The following UHRF1 variants were observed in gnomAD, a reference collection of about 807,000 sequenced individuals.
UHRF1 encodes the protein E3 ubiquitin-protein ligase UHRF1.
A neutral mutation model predicts 96.5 loss-of-function variants in UHRF1; 9 were observed. That is an observed-to-expected ratio of 0.09 (90% CI 0.06 to 0.16). UHRF1 has a LOEUF of 0.16. Ranked by LOEUF, UHRF1 falls within the 10% of genes least tolerant of loss-of-function variation. The pLI, the probability that UHRF1 is intolerant of heterozygous loss-of-function variation, is 1.00. For synonymous variants in UHRF1, 455 were observed against 469.9 expected (o/e 0.97, Z 0.41); for missense variants, 626 against 1,131.1 (o/e 0.55, Z 6.40).
intron 10 of UHRF1, 28 bp downstream of exon 10, chr19:4,945,993 G>C: frequency 1.1e-6 from 1 of 897,250 alleles, no homozygotes; most frequent in Non-Finnish European, 1.8e-6. Flanking sequence ...AGGGGTGGGG[G>C]AGGGTTGCTC....
chr19:4,905,108 C>CTT (rs61443004), upstream of UHRF1, among the ~76,000 whole-genome samples: 174 of 95,178 alleles, frequency 1.8e-3, 8 homozygotes, highest in African/African-American at 6.1e-3. Flanking sequence ...CGTAAACTTT[C>CTT]TTTTTTTTTT....
Position 4,921,055 on chromosome 19 carries a change from C to T in UHRF1, c.154-8167C>T, listed in dbSNP as rs932372289. 1.2e-4 allele frequency among the ~76,000 whole-genome samples: 18 copies of T among 151,494 alleles called. 1 individual carries two copies. The highest frequency in any genetic ancestry group is 3.4e-4 in the African/African-American group (14 of 41,218). ...AGGAGAATCGCTTGAACCCAGGAGG[C>T]GGAGGTCACAGTGAGTCAAGATCGT... On this transcript the variant is annotated intron_variant, in intron 2 of 16. Coordinates refer to ENST00000650932, the MANE Select transcript of UHRF1 (RefSeq NM_001048201.3).
At chr19:4,921,371 G>T (rs188542436) in intron 2 of UHRF1, among the ~76,000 whole-genome samples, 9 of 152,044 alleles carry the variant, frequency 5.9e-5, no homozygotes, top group African/African-American at 2.2e-4. Context: ...CCTGGGAGGC[G>T]GAGGTTGCAG....
intron 13 of UHRF1, among the ~76,000 whole-genome samples, chr19:4,953,204 C>T (rs1181406186): frequency 2.6e-5 from 4 of 152,124 alleles, no homozygotes; most frequent in East Asian, 1.9e-4. Context: ...AGCCATTGGT[C>T]GAGGCTCCAC....
intron 2 of UHRF1, among the ~76,000 whole-genome samples, chr19:4,924,464 A>G (rs2032803623): frequency 6.6e-6 from 1 of 151,926 alleles, no homozygotes; most frequent in Non-Finnish European, 1.5e-5. Context: ...TTGTATTTTT[A>G]GTGGAGACGG....
intron 2 of UHRF1, among the ~76,000 whole-genome samples, chr19:4,917,111 GTTT>G (rs59815341): frequency 2.3e-4 from 18 of 77,204 alleles, no homozygotes; most frequent in African/African-American, 7.4e-4. Flanking sequence ...TTAAGTTTTC[GTTT>G]TTTTTTTTTT....
At position 4,956,565 on chromosome 19, in the gene UHRF1, C is replaced by T. The variant is rs950093879; in HGVS notation, c.2131-144C>T. 12 of 644,608 alleles carry T rather than the reference C, an allele frequency of 1.9e-5. 1 individual carries two copies. The highest frequency in any genetic ancestry group is 5.3e-5 in the South Asian group (3 of 56,286). 39.9% of individuals were successfully genotyped at this position (644,608 alleles called of 1,614,324 possible). On this transcript the variant is annotated intron_variant, in intron 15 of 16. Transcript: ENST00000650932. ...TGTTGGGCCTCTGTTTTTCTCAGAACGGGGACGATCATGGCCCCCGCCTCC... is the reference window on the plus strand; with the variant it reads ...TGTTGGGCCTCTGTTTTTCTCAGAATGGGGACGATCATGGCCCCCGCCTCC...
chr19:4,954,692 A>G lies in UHRF1; in HGVS notation c.2000A>G (p.Lys667Arg), dbSNP rs1405110433. The change falls in exon 15 of 17, where the codon AAG becomes AGG. Residue 667 changes from lysine (K) to arginine (R), a missense_variant. Lys to Arg is a conservative substitution (Grantham distance 26). This residue lies in a region of UHRF1 where 90 missense variants were observed against 94.7 expected (regional missense o/e 0.95). Coordinates refer to ENST00000650932, the MANE Select transcript of UHRF1 (RefSeq NM_001048201.3). This position sits in a 1 kb window ranked among gnomAD's most constrained non-coding sequence, Gnocchi z 5.9. ...GCCGGGTCCCCGCGCCGGACATCCAAGAAAACCAAGGTGGAGCCCTACAGT... is the reference window on the plus strand; with the variant it reads ...GCCGGGTCCCCGCGCCGGACATCCAGGAAAACCAAGGTGGAGCCCTACAGT... ...SRAGSPRRTSKKTKVEPYSLT... is the reference protein window; with the variant it reads ...SRAGSPRRTSRKTKVEPYSLT... The G allele has an allele frequency of 2.5e-6, 4 of 1,613,434 alleles. No individual in the cohort carries two copies. The highest frequency in any genetic ancestry group is 1.7e-6 in the Non-Finnish European group (2 of 1,179,750).
intron 2 of UHRF1, among the ~76,000 whole-genome samples, chr19:4,918,424 T>C (rs561375830): frequency 1.4e-4 from 17 of 121,882 alleles, no homozygotes; most frequent in Admixed American, 4.7e-4. Flanking sequence ...GCCTGGCCTG[T>C]TTTTTTTTTT....
chr19:4,903,316 G>T, exon 1 of UHRF1: 2 of 160,006 alleles, frequency 1.2e-5, no homozygotes, highest in East Asian at 1.8e-4. Flanking sequence ...CTGCACCTGG[G>T]CTTTTTCTTT....
rs17883422 is a variant in UHRF1 at position 4,941,920 on chromosome 19, C to T, written c.1062C>T (p.Ser354=). Reference sequence around the variant, plus strand: ...ACCCGCCCCTCAGCAGTGTTCCCAGCGAGGACGAGTGGTGAGTGCGGCCCT... The same window carrying T: ...ACCCGCCCCTCAGCAGTGTTCCCAGTGAGGACGAGTGGTGAGTGCGGCCCT... The part of the protein sequence containing the change: ...CLDPPLSSVP[S]EDEWYCPECR... The change falls in exon 7 of 17, where the codon AGC becomes AGT. Residue 354 remains serine, a synonymous_variant. Coordinates refer to ENST00000650932, the MANE Select transcript of UHRF1 (RefSeq NM_001048201.3). 3,078 of 1,515,252 alleles carry T rather than the reference C, an allele frequency of 2.0e-3. 56 individuals carry two copies. In the African/African-American group the frequency reaches 0.037, roughly 18 times the overall value. 93.9% of individuals were successfully genotyped at this position (1,515,252 alleles called of 1,614,324 possible).
At chr19:4,939,237 T>A (rs1461946761) in intron 5 of UHRF1, among the ~76,000 whole-genome samples, 2 of 150,442 alleles carry the variant, frequency 1.3e-5, no homozygotes, top group African/African-American at 4.9e-5. Context: ...TTTTTTTTTT[T>A]TTTAATTTTC....
rs759127537 is a variant in UHRF1 at position 4,954,788 on chromosome 19, C to T, written c.2096C>T (p.Ala699Val). ...SNAKLWNEVL[A>V]SLKDRPASGS... Reference sequence around the variant, plus strand: ...GCCAAGCTGTGGAATGAGGTCCTGGCGTCACTCAAGGACCGGCCGGCGAGC... The same window carrying T: ...GCCAAGCTGTGGAATGAGGTCCTGGTGTCACTCAAGGACCGGCCGGCGAGC... Residue 699 changes from alanine (A) to valine (V), a missense_variant, in exon 15 of 17, where the codon GCG becomes GTG. Ala to Val is a moderately conservative substitution (Grantham distance 64, BLOSUM62 0). This residue lies in a region of UHRF1 where 84 missense variants were observed against 150.3 expected (regional missense o/e 0.56). Transcript: ENST00000650932. The surrounding 1 kb of genome is among the most constrained non-coding windows in gnomAD (Gnocchi z 5.9). 40 of 1,613,694 alleles carry T rather than the reference C, an allele frequency of 2.5e-5. No individual in the cohort carries two copies. The East Asian group carries it at 3.3e-4, about 13-fold the overall frequency.
intron 16 of UHRF1, among the ~76,000 whole-genome samples, chr19:4,958,045 G>C (rs1490936612): frequency 2.6e-5 from 4 of 152,222 alleles, no homozygotes; most frequent in Non-Finnish European, 4.4e-5. Context: ...CTCAGACCCC[G>C]TGTTTGTTTT....
At chr19:4,952,063 C>G (rs760221301) in intron 13 of UHRF1, among the ~76,000 whole-genome samples, 3 of 152,142 alleles carry the variant, frequency 2.0e-5, no homozygotes, top group Non-Finnish European at 2.9e-5. Flanking sequence ...ATGGGAGAGA[C>G]AGCCTCAGCT....
chr19:4,939,648 T>A (rs1188238279), intron 5 of UHRF1, among the ~76,000 whole-genome samples: 1 of 152,132 alleles, frequency 6.6e-6, no homozygotes, highest in Non-Finnish European at 1.5e-5. Context: ...GTCAGTGTGT[T>A]CCCACACTGT....
chr19:4,920,841 G>A (rs1244353536), intron 2 of UHRF1, among the ~76,000 whole-genome samples: 2 of 151,946 alleles, frequency 1.3e-5, no homozygotes, highest in Non-Finnish European at 2.9e-5. Flanking sequence ...AATCGGTCAG[G>A]AGGGCCACGC....
intron 11 of UHRF1, among the ~76,000 whole-genome samples, chr19:4,950,036 A>G (rs1302322627): frequency 7.3e-6 from 1 of 136,386 alleles, no homozygotes; most frequent in South Asian, 2.3e-4. Context: ...ACGCCTGGCT[A>G]TTTTTTTTTT....
Position 4,930,044 on chromosome 19 carries a change from G to A in UHRF1, c.408+568G>A, listed in dbSNP as rs908200998. On this transcript the variant is annotated intron_variant, in intron 3 of 16. Transcript: ENST00000650932. The surrounding 1 kb of genome is among the most constrained non-coding windows in gnomAD (Gnocchi z 4.4). ...GGCTGGAGTACAGTGGTGCCATCTC[G>A]GCTCATTGCAACCTCCAACTCCTGG... 2.6e-5 allele frequency among the ~76,000 whole-genome samples: 4 copies of A among 151,584 alleles called. No homozygotes were observed. The highest frequency in any genetic ancestry group is 5.9e-5 in the Non-Finnish European group (4 of 67,960).
Sources: gnomAD v4.1 joint callset for allele counts (sites outside exome capture counted in the v4.1 genomes callset) on GRCh38, gnomAD v4.1.1 for gene constraint, gnomAD v4.1.1 regional missense constraint, Gnocchi (gnomAD v3.1) non-coding constraint, MANE v1.5 for transcripts, NCBI Gene and HGNC (gene_info 2026-07-23, HGNC 2026-07-21) for gene names.